PTPRD: variants seen among roughly 807,000 people sequenced by gnomAD.
PTPRD encodes receptor-type tyrosine-protein phosphatase delta.
PTPRD carries 34 observed loss-of-function variants against 214.5 expected under a neutral mutation model. The observed-to-expected ratio is 0.16, with a 90% CI of 0.12 to 0.21. The LOEUF is 0.21. Ranked by LOEUF, PTPRD falls within the 10% of genes least tolerant of loss-of-function variation. The probability of loss-of-function intolerance (pLI) is 1.00; values close to 1 mark genes in which losing one functional copy is unlikely to be tolerated. For missense variants in PTPRD, 2,545 were observed against 2,398.7 expected, an observed-to-expected ratio of 1.06 and a Z score of -1.27; for synonymous variants, 1,128 against 845.7, an observed-to-expected ratio of 1.33 and a Z score of -5.79.
chr9:8,432,363 T>C (rs1479756541), intron 35 of PTPRD, among the ~76,000 whole-genome samples: 7 of 152,226 alleles, frequency 4.6e-5, no homozygotes, highest in East Asian at 1.9e-4. Context: ...AAATTCACTG[T>C]TGGAGTTCAA....
At chr9:10,063,576 A>C (rs1475823711) in intron 3 of PTPRD, among the ~76,000 whole-genome samples, 1 of 152,184 alleles carries the variant, frequency 6.6e-6, no homozygotes. Context: ...TAGCTACTCT[A>C]TGGCAGAATA....
chr9:9,462,352 T>C (rs755122038), intron 8 of PTPRD, among the ~76,000 whole-genome samples: 14 of 152,274 alleles, frequency 9.2e-5, no homozygotes, highest in Non-Finnish European at 1.9e-4. Context: ...ATAATAGTTC[T>C]CATTTGTCAT....
intron 12 of PTPRD, among the ~76,000 whole-genome samples, chr9:8,639,044 T>C (rs1399715585): frequency 6.6e-6 from 1 of 152,068 alleles, no homozygotes; most frequent in Non-Finnish European, 1.5e-5. Context: ...AGTTTGACCA[T>C]GTGGGCCAGA....
chr9:9,019,304 G>GAAAGAAAGA (rs2099551392), intron 10 of PTPRD, among the ~76,000 whole-genome samples: 2 of 86,812 alleles, frequency 2.3e-5, no homozygotes, highest in African/African-American at 9.8e-5. Context: ...AAGAAAGAAA[G>GAAAGAAAGA]AAAGAAAGAA....
intron 10 of PTPRD, among the ~76,000 whole-genome samples, chr9:9,138,025 G>A (rs1569551368): frequency 6.6e-6 from 1 of 152,114 alleles, no homozygotes; most frequent in Non-Finnish European, 1.5e-5. Flanking sequence ...TGATAAAGAT[G>A]TTAAGGGATA....
At chr9:10,077,229 C>G (rs922095732) in intron 3 of PTPRD, among the ~76,000 whole-genome samples, 2 of 152,144 alleles carry the variant, frequency 1.3e-5, no homozygotes, top group Non-Finnish European at 2.9e-5. Context: ...CCTTTGCCTG[C>G]TCACCCCTTT....
At chr9:9,333,645 G>A (rs544562180) in intron 9 of PTPRD, among the ~76,000 whole-genome samples, 13 of 151,340 alleles carry the variant, frequency 8.6e-5, no homozygotes, top group Non-Finnish European at 1.5e-4. Context: ...TATTCCAGCT[G>A]TATGACTAAC....
intron 2 of PTPRD, among the ~76,000 whole-genome samples, chr9:10,466,345 C>T (rs756171956): frequency 5.3e-5 from 8 of 151,996 alleles, no homozygotes; most frequent in Middle Eastern, 3.4e-3. Context: ...AATTTTATGC[C>T]GGGTGCGGTG....
At chr9:8,639,001 C>A (rs1255622260) in intron 12 of PTPRD, among the ~76,000 whole-genome samples, 3 of 152,082 alleles carry the variant, frequency 2.0e-5, no homozygotes, top group African/African-American at 7.2e-5. Flanking sequence ...TACCACCACG[C>A]TCAGCTAATT....
At chr9:9,169,035 G>C (rs555442883) in intron 10 of PTPRD, among the ~76,000 whole-genome samples, 82 of 151,544 alleles carry the variant, frequency 5.4e-4, no homozygotes, top group African/African-American at 2.0e-3. Context: ...ATAACCACTG[G>C]GTGCTACAAA....
At chr9:10,140,879 C>A in intron 3 of PTPRD, among the ~76,000 whole-genome samples, 1 of 151,754 alleles carries the variant, frequency 6.6e-6, no homozygotes, top group Non-Finnish European at 1.5e-5. Context: ...AATCCAGCAG[C>A]ACATCAAAAA....
intron 3 of PTPRD, among the ~76,000 whole-genome samples, chr9:10,332,770 T>C (rs1340263611): frequency 6.6e-6 from 1 of 151,754 alleles, no homozygotes; most frequent in Admixed American, 6.6e-5. Flanking sequence ...TGCAGTCCGG[T>C]GAAAGAGTCT....
intron 3 of PTPRD, among the ~76,000 whole-genome samples, chr9:10,336,741 A>G (rs1004653749): frequency 1.3e-5 from 2 of 151,654 alleles, no homozygotes; most frequent in African/African-American, 2.4e-5. Context: ...GGCAGAAACT[A>G]TAAAGAGCTA....
At chr9:8,471,998 A>G (rs1031600869) in intron 30 of PTPRD, among the ~76,000 whole-genome samples, 1 of 152,162 alleles carries the variant, frequency 6.6e-6, no homozygotes, top group Non-Finnish European at 1.5e-5. Flanking sequence ...GTATTATAGT[A>G]AATGCATAAT....
At chr9:9,434,968 T>C (rs556627847) in intron 8 of PTPRD, among the ~76,000 whole-genome samples, 2 of 151,294 alleles carry the variant, frequency 1.3e-5, no homozygotes, top group African/African-American at 4.8e-5. Flanking sequence ...TGTCTCTTCA[T>C]AGAATTCTTT....
chr9:10,068,703 T>G (rs1410570940), intron 3 of PTPRD, among the ~76,000 whole-genome samples: 1 of 151,888 alleles, frequency 6.6e-6, no homozygotes, highest in Non-Finnish European at 1.5e-5. Context: ...TTGCCTCTGC[T>G]AGGACTGAAT....
chr9:8,705,614 A>G (rs937479425), intron 12 of PTPRD, among the ~76,000 whole-genome samples: 5 of 152,354 alleles, frequency 3.3e-5, no homozygotes, highest in Non-Finnish European at 5.9e-5. Context: ...CATAAAAGAT[A>G]TATCTGCTTC....
chr9:8,620,342 TCTC>T (rs2095780079), intron 14 of PTPRD, among the ~76,000 whole-genome samples: 1 of 152,042 alleles, frequency 6.6e-6, no homozygotes, highest in African/African-American at 2.4e-5. Flanking sequence ...ACCTGTCTCT[TCTC>T]CTTTAATAAA....
intron 11 of PTPRD, among the ~76,000 whole-genome samples, chr9:8,750,519 G>A (rs184579855): frequency 7.0e-4 from 106 of 152,130 alleles, no homozygotes; most frequent in Non-Finnish European, 1.3e-3. Context: ...AGTTAACAGG[G>A]GTAGAAAAAT....
Sources: gnomAD v4.1 joint callset for allele counts (sites outside exome capture counted in the v4.1 genomes callset) on GRCh38, gnomAD v4.1.1 for gene constraint, MANE v1.5 for transcripts, NCBI Gene and HGNC (gene_info 2026-07-23, HGNC 2026-07-21) for gene names.